The following KCNQ4 variants were observed in gnomAD, a reference collection of about 807,000 sequenced individuals.
The protein encoded by KCNQ4 is potassium voltage-gated channel subfamily Q member 4.
Under a neutral mutation model 72.6 loss-of-function variants are expected in KCNQ4, and 31 were observed. The observed-to-expected ratio is 0.43, with a 90% confidence interval of 0.32 to 0.58. KCNQ4 has a LOEUF of 0.58. KCNQ4 is among the 20% of genes least tolerant of loss of function. The pLI, the probability that KCNQ4 is intolerant of heterozygous loss-of-function variation, is 0.08. For synonymous variants in KCNQ4, 405 were observed against 403.7 expected (o/e 1.00, Z -0.04); for missense variants, 869 against 962.6 (o/e 0.90, Z 1.29).
At chr1:40,798,520 A>G (rs4660462) in intron 1 of KCNQ4, among the ~76,000 whole-genome samples, 62,063 of 152,042 alleles carry the variant, frequency 0.41, 12,957 homozygotes, top group African/African-American at 0.47. Flanking sequence ...GGAGGAAGAT[A>G]CTATTATGCT....
chr1:40,797,006 C>T (rs1647434793), intron 1 of KCNQ4, among the ~76,000 whole-genome samples: 1 of 152,236 alleles, frequency 6.6e-6, no homozygotes, highest in African/African-American at 2.4e-5. Flanking sequence ...CATTCCTTCC[C>T]TCTCTCGCCC....
intron 1 of KCNQ4, chr1:40,804,878 A>G (rs1307153330): frequency 2.0e-5 from 3 of 151,062 alleles, no homozygotes; most frequent in Non-Finnish European, 4.4e-5. Context: ...AGTCTCAGCT[A>G]CTCAGGCAGC....
Position 40,819,864 on chromosome 1 carries a change from T to G in KCNQ4, c.835-11T>G. ...TGACCAGTCCTGCCTGTAACCTGTTTGTGTCTCCAGATTACATTGACAACC... is the reference window on the plus strand; with the variant it reads ...TGACCAGTCCTGCCTGTAACCTGTTGGTGTCTCCAGATTACATTGACAACC... On this transcript the variant is annotated splice_polypyrimidine_tract_variant and intron_variant, in intron 5 of 13. Transcript: ENST00000347132. The G allele has an allele frequency of 1.3e-6, 2 of 1,598,276 alleles. No individual in the cohort carries two copies. The highest frequency in any genetic ancestry group is 1.7e-6 in the Non-Finnish European group (2 of 1,165,596).
chr1:40,789,960 G>A (rs928008976), intron 1 of KCNQ4, among the ~76,000 whole-genome samples: 5 of 152,218 alleles, frequency 3.3e-5, no homozygotes, highest in African/African-American at 1.2e-4. Flanking sequence ...TTTGGGGAAG[G>A]TCCGATCTTC....
chr1:40,807,630 GCCTC>G (rs1173728847), intron 1 of KCNQ4, among the ~76,000 whole-genome samples: 3 of 152,198 alleles, frequency 2.0e-5, no homozygotes, highest in East Asian at 3.9e-4. Flanking sequence ...GAGTCTGGGG[GCCTC>G]CAGGCTGCCC....
chr1:40,819,368 A>G lies in KCNQ4; in HGVS notation c.730A>G (p.Ile244Val). 3 of 1,613,762 alleles carry G rather than the reference A, an allele frequency of 1.9e-6. No individual in the cohort carries two copies. The highest frequency in any genetic ancestry group is 2.5e-6 in the Non-Finnish European group (3 of 1,179,956). ...HSKELITAWY[I>V]GFLVLIFASF... ...GCAGGAGCTGATCACCGCCTGGTAC[A>G]TCGGGTTCCTGGTGCTCATCTTCGC... Residue 244 changes from isoleucine to valine, a missense_variant, in exon 5 of 14, where the codon ATC (isoleucine) becomes GTC (valine). Physicochemically the swap from Ile to Val is conservative, Grantham distance 29. This residue lies in a region of KCNQ4 where 179 missense variants were observed against 243.0 expected (regional missense o/e 0.74). Coordinates refer to ENST00000347132, the MANE Select transcript of KCNQ4 (RefSeq NM_004700.4).
intron 1 of KCNQ4, among the ~76,000 whole-genome samples, chr1:40,800,327 G>A (rs1038954011): frequency 6.6e-6 from 1 of 152,198 alleles, no homozygotes; most frequent in African/African-American, 2.4e-5. Flanking sequence ...TCCAGCATGG[G>A]ATTCCAAGGC....
chr1:40,794,799 GTGC>G lies in KCNQ4; in HGVS notation c.314+10393_314+10395del. Among the ~76,000 whole-genome samples, 1 of 152,174 alleles carries G rather than the reference GTGC, an allele frequency of 6.6e-6. No individual in the cohort carries two copies. Among genetic ancestry groups the G allele is most frequent in the East Asian group, 1.9e-4 (1 of 5,196 alleles). ...AGTGTTTTTGGAAATTTTACCGGTG[GTGC>G]GTGAAATCCCTGAGTCTGGGCGCCA... On this transcript the variant is annotated intron_variant, in intron 1 of 13. Coordinates refer to ENST00000347132, the MANE Select transcript of KCNQ4 (RefSeq NM_004700.4). This position sits in a 1 kb window ranked among gnomAD's most constrained non-coding sequence, Gnocchi z 4.2.
At chr1:40,791,506 G>A (rs1391822450) in intron 1 of KCNQ4, among the ~76,000 whole-genome samples, 1 of 152,178 alleles carries the variant, frequency 6.6e-6, no homozygotes. Context: ...GGGCAACCCT[G>A]TCCCTGGGGC....
At chr1:40,802,541 C>T (rs1228380143) in intron 1 of KCNQ4, among the ~76,000 whole-genome samples, 1 of 151,828 alleles carries the variant, frequency 6.6e-6, no homozygotes, top group Admixed American at 6.6e-5. Context: ...CCCCGGCATG[C>T]CCCGCCCATT....
Position 40,824,170 on chromosome 1 carries a change from G to T in KCNQ4, c.1204G>T (p.Ala402Ser). The stretch of plus-strand genomic sequence containing the variant: ...CCTACGGCCCCTGGAGGTGCGGCGG[G>T]CGCCGGTACCCGACGGAGCACCCTC... The part of the protein sequence containing the change: ...GGLRPLEVRR[A>S]PVPDGAPSRY... The change falls in exon 9 of 14, where the codon GCG (alanine) becomes TCG (serine). Residue 402 changes from alanine to serine, a missense_variant. Around this residue, in one of 5 missense-constraint regions of KCNQ4, gnomAD observed 480 missense variants for 501.9 expected, o/e 0.96. Coordinates refer to ENST00000347132, the MANE Select transcript of KCNQ4 (RefSeq NM_004700.4). 1.9e-6 allele frequency: 3 copies of T among 1,559,500 alleles called. No individual in the cohort carries two copies. Among genetic ancestry groups the T allele is most frequent in the Non-Finnish European group, 2.6e-6 (3 of 1,152,656 alleles).
chr1:40,798,035 G>A (rs1000939613), intron 1 of KCNQ4, among the ~76,000 whole-genome samples: 8 of 152,134 alleles, frequency 5.3e-5, no homozygotes, highest in Admixed American at 1.3e-4. Context: ...ATAATGGAGG[G>A]ACACCCTGGC....
In KCNQ4 at chr1:40,817,171, TCTC is replaced by T; in HGVS notation, c.315-90_315-88del. ...CCACATAATTTTCTGAAAATAATGT[TCTC>T]CTCTCTTGGCTCTGTAACCCCCTGC... On this transcript the variant is annotated intron_variant, in intron 1 of 13. Coordinates refer to ENST00000347132, the MANE Select transcript of KCNQ4 (RefSeq NM_004700.4). The surrounding 1 kb of genome is among the most constrained non-coding windows in gnomAD (Gnocchi z 5.5). 1.1e-6 allele frequency: 1 copy of T among 913,668 alleles called. No individual in the cohort carries two copies. The highest frequency in any genetic ancestry group is 2.6e-5 in the East Asian group (1 of 38,714). 56.6% of individuals were successfully genotyped at this position (913,668 alleles called of 1,614,324 possible).
At chr1:40,802,431 G>A (rs1436658144) in intron 1 of KCNQ4, among the ~76,000 whole-genome samples, 1 of 151,974 alleles carries the variant, frequency 6.6e-6, no homozygotes, top group Non-Finnish European at 1.5e-5. Context: ...GAGGTAATCG[G>A]AGCCGCAGCA....
At chr1:40,806,653 A>C (rs1369073905) in intron 1 of KCNQ4, among the ~76,000 whole-genome samples, 1 of 151,946 alleles carries the variant, frequency 6.6e-6, no homozygotes, top group Non-Finnish European at 1.5e-5. Context: ...GATAAAGAAA[A>C]AGAAAAATTG....
In KCNQ4 at chr1:40,832,781, C is replaced by A. The variant is rs557184637; in HGVS notation, c.1514-233C>A. On this transcript the variant is annotated intron_variant, in intron 10 of 13. Coordinates refer to ENST00000347132, the MANE Select transcript of KCNQ4 (RefSeq NM_004700.4). ...CCCTAAAGCAGCTCCCACCTACCCA[C>A]CAGGCAGATGTTTACCCTGACTGGC... is the stretch of plus-strand genomic sequence containing the variant. Among the ~76,000 whole-genome samples, 9 of 152,194 alleles carry A rather than the reference C, an allele frequency of 5.9e-5. No individual in the cohort carries two copies. In the East Asian group the frequency reaches 1.7e-3, roughly 30 times the overall value.
intron 8 of KCNQ4, among the ~76,000 whole-genome samples, chr1:40,823,467 A>G (rs547766272): frequency 1.3e-5 from 2 of 152,326 alleles, no homozygotes; most frequent in African/African-American, 4.8e-5. Context: ...ACCTCTGCCC[A>G]GAGGAACAGA....
At position 40,784,409 on chromosome 1, in the gene KCNQ4, T is replaced by C; in HGVS notation, c.314+2T>C. 6.2e-7 allele frequency: 1 copy of C among 1,607,508 alleles called. No homozygotes were observed. The highest frequency in any genetic ancestry group is 8.5e-7 in the Non-Finnish European group (1 of 1,178,556). Reference sequence around the variant, plus strand: ...GGCCTTCGTCTACCACGTCTTCATGTGAGTTTGCGACCCCGCGCCCTTCCG... The same window carrying C: ...GGCCTTCGTCTACCACGTCTTCATGCGAGTTTGCGACCCCGCGCCCTTCCG... On this transcript the variant is annotated splice_donor_variant, in intron 1 of 13. Coordinates refer to ENST00000347132, the MANE Select transcript of KCNQ4 (RefSeq NM_004700.4). LOFTEE classifies it high-confidence loss of function. The surrounding 1 kb of genome is among the most constrained non-coding windows in gnomAD (Gnocchi z 4.1).
intron 7 of KCNQ4, among the ~76,000 whole-genome samples, chr1:40,821,030 T>C (rs56335024): frequency 0.32 from 49,005 of 152,058 alleles, 8,225 homozygotes; most frequent in African/African-American, 0.39. Flanking sequence ...CACTCAGCCC[T>C]TCCTTATCTC....
Sources: gnomAD v4.1 joint callset for allele counts (sites outside exome capture counted in the v4.1 genomes callset) on GRCh38, gnomAD v4.1.1 for gene constraint, gnomAD v4.1.1 regional missense constraint, Gnocchi (gnomAD v3.1) non-coding constraint, MANE v1.5 for transcripts, NCBI Gene and HGNC (gene_info 2026-07-23, HGNC 2026-07-21) for gene names.